MMP26: variants seen among roughly 807,000 people sequenced by gnomAD.
MMP26 encodes matrix metalloproteinase-26.
A neutral mutation model predicts 31.0 loss-of-function variants in MMP26; 33 were observed. The ratio of observed to expected loss-of-function variants is 1.06; its 90% confidence interval spans 0.81 to 1.42. MMP26 has a LOEUF of 1.42. MMP26 is among the 40% of genes most tolerant of loss of function. The pLI, the probability that MMP26 is intolerant of heterozygous loss-of-function variation, is 0.00. For missense variants in MMP26, 347 were observed against 316.1 expected, an observed-to-expected ratio of 1.10 and a Z score of -0.74; for synonymous variants, 122 against 114.9, an observed-to-expected ratio of 1.06 and a Z score of -0.40.
chr11:4,923,581 G>A, intron 2 of MMP26: 1 of 1,614,116 alleles, frequency 6.2e-7, no homozygotes, highest in Non-Finnish European at 8.5e-7. Context: ...TGGGGATGTA[G>A]AAGAGCAGTA....
chr11:4,895,753 A>G (rs1291694449), intron 2 of MMP26, among the ~76,000 whole-genome samples: 1 of 152,138 alleles, frequency 6.6e-6, no homozygotes, highest in Non-Finnish European at 1.5e-5. Context: ...GGGAGACCCT[A>G]TCTCTACAAG....
At chr11:4,963,906 T>A (rs2133623892) in intron 2 of MMP26, among the ~76,000 whole-genome samples, 1 of 152,350 alleles carries the variant, frequency 6.6e-6, no homozygotes, top group East Asian at 1.9e-4. Flanking sequence ...GCTGCTTGTA[T>A]GTCTTCTTTT....
intron 1 of MMP26, among the ~76,000 whole-genome samples, chr11:4,748,586 A>G (rs1249577348): frequency 6.6e-6 from 1 of 151,980 alleles, no homozygotes; most frequent in African/African-American, 2.4e-5. Flanking sequence ...CAAAAAAAAA[A>G]AAAAACACAA....
At chr11:4,717,366 A>G (rs541413411) in intron 1 of MMP26, among the ~76,000 whole-genome samples, 26 of 152,288 alleles carry the variant, frequency 1.7e-4, no homozygotes, top group African/African-American at 5.8e-4. Context: ...GAGACTAGGT[A>G]ATGGGGGTTG....
chr11:4,986,932 C>CTCTCTCCCTCTCTCTCTCTCTCTCT, intron 2 of MMP26, among the ~76,000 whole-genome samples: 1 of 60,448 alleles, frequency 1.7e-5, no homozygotes, highest in East Asian at 4.6e-4. Context: ...TCTCTCTCTC[C>CTCTCTCCCTCTCTCTCTCTCTCTCT]CTCTCTCTCT....
chr11:4,882,984 AT>A, intron 2 of MMP26: 1 of 844,516 alleles, frequency 1.2e-6, no homozygotes, highest in Non-Finnish European at 1.9e-6. Flanking sequence ...TTCCAATTGA[AT>A]TTTAGGAGTG....
chr11:4,959,868 T>C (rs78640193), intron 2 of MMP26, among the ~76,000 whole-genome samples: 3,515 of 152,256 alleles, frequency 0.023, 142 homozygotes, highest in African/African-American at 0.08. Flanking sequence ...TGTTTGTGCC[T>C]GTGTGAGTGT....
chr11:4,879,107 A>G (rs1287195460), intron 2 of MMP26, among the ~76,000 whole-genome samples: 29 of 152,002 alleles, frequency 1.9e-4, no homozygotes, highest in Non-Finnish European at 1.5e-5. Flanking sequence ...GGTGGCAGGC[A>G]CTTGTAATCC....
In MMP26 at chr11:4,953,284, A is replaced by G. The variant is rs566916759; in HGVS notation, c.-144-34784A>G. On this transcript the variant is annotated intron_variant, in intron 2 of 7. Transcript: ENST00000380390. ...CATGGTCTTATTTTTAAAATCATTC[A>G]TTAGCATTTATTTATTGAACTCTAC... is the stretch of plus-strand genomic sequence containing the variant. Among the ~76,000 whole-genome samples, 4 of 125,410 alleles carry G rather than the reference A, an allele frequency of 3.2e-5. 1 individual carries two copies. The East Asian group carries it at 9.0e-4, about 28-fold the overall frequency. 82.3% of individuals were successfully genotyped at this position (125,410 alleles called of 152,430 possible).
intron 2 of MMP26, chr11:4,937,837 T>C (rs904210310): frequency 1.3e-5 from 2 of 153,068 alleles, no homozygotes; most frequent in African/African-American, 4.8e-5. Flanking sequence ...AAGAACATTC[T>C]TGGAAGTCAG....
chr11:4,954,946 G>A lies in MMP26; in HGVS notation c.-144-33122G>A. The A allele has an allele frequency of 2.4e-6, 3 of 1,266,828 alleles. 1 individual carries two copies. The highest frequency in any genetic ancestry group is 3.3e-6 in the Non-Finnish European group (3 of 904,576). 78.5% of individuals were successfully genotyped at this position (1,266,828 alleles called of 1,614,324 possible). A position where few individuals can be genotyped will look rare whatever the true frequency, so the allele number is the denominator to read the frequency against. On this transcript the variant is annotated intron_variant, in intron 2 of 7. Transcript: ENST00000380390. ...AGCGGTGGACAACGGCCAGGTTGATGATGGGCAGGTAGAAGATGATCACTG... is the reference window on the plus strand; with the variant it reads ...AGCGGTGGACAACGGCCAGGTTGATAATGGGCAGGTAGAAGATGATCACTG...
chr11:4,724,962 C>T (rs1344506443), intron 1 of MMP26, among the ~76,000 whole-genome samples: 1 of 152,154 alleles, frequency 6.6e-6, no homozygotes, highest in Non-Finnish European at 1.5e-5. Flanking sequence ...GGAGGTGGGG[C>T]CTGGTGGAAG....
chr11:4,924,181 A>G, intron 2 of MMP26: 1 of 1,614,226 alleles, frequency 6.2e-7, no homozygotes, highest in Non-Finnish European at 8.5e-7. Context: ...GAGTGGCATC[A>G]GTACAAATGA....
intron 1 of MMP26, among the ~76,000 whole-genome samples, chr11:4,745,267 A>G (rs1428312345): frequency 6.6e-6 from 1 of 152,216 alleles, no homozygotes; most frequent in Non-Finnish European, 1.5e-5. Context: ...TTAGATTTGG[A>G]ATAATAAACA....
At chr11:4,872,857 G>C (rs1273383121) in intron 2 of MMP26, among the ~76,000 whole-genome samples, 1 of 151,926 alleles carries the variant, frequency 6.6e-6, no homozygotes, top group Non-Finnish European at 1.5e-5. Flanking sequence ...CTCTTTCCAT[G>C]GTCTACCACT....
At chr11:4,868,716 A>T (rs183869838) in intron 2 of MMP26, among the ~76,000 whole-genome samples, 254 of 152,314 alleles carry the variant, frequency 1.7e-3, no homozygotes, top group Middle Eastern at 0.01. Flanking sequence ...GGAAAAAACT[A>T]CTTTAAAGTT....
intron 2 of MMP26, chr11:4,822,025 C>T (rs1188029173): frequency 1.2e-6 from 2 of 1,613,962 alleles, no homozygotes; most frequent in African/African-American, 2.7e-5. Context: ...CATCCTTGGT[C>T]TGTTTGCGCT....
intron 2 of MMP26, chr11:4,769,468 C>A (rs1336735194): frequency 1.2e-6 from 2 of 1,613,344 alleles, no homozygotes; most frequent in African/African-American, 2.7e-5. Flanking sequence ...CACGTGTAAT[C>A]ATCAGAAGAC....
chr11:4,861,272 T>C (rs1300754081), intron 2 of MMP26, among the ~76,000 whole-genome samples: 1 of 150,386 alleles, frequency 6.6e-6, no homozygotes, highest in East Asian at 1.9e-4. Context: ...TAGATACATA[T>C]ACATGCAGAT....
Sources: allele counts gnomAD v4.1 joint callset (sites outside exome capture counted in the v4.1 genomes callset), GRCh38; gene constraint gnomAD v4.1.1; transcripts MANE v1.5; gene names NCBI Gene and HGNC (gene_info 2026-07-23, HGNC 2026-07-21).